Variants in LRGUK observed in about 807,000 individuals in gnomAD.
The protein encoded by LRGUK is leucine rich repeats and guanylate kinase domain containing.
A neutral mutation model predicts 76.0 loss-of-function variants in LRGUK; 65 were observed. That is an observed-to-expected ratio of 0.85 (90% confidence interval 0.70 to 1.05). LRGUK has a LOEUF of 1.05. LRGUK is among the 50% of genes least tolerant of loss of function. LRGUK has a pLI of 0.00. For synonymous variants in LRGUK, 268 were observed against 265.6 expected, an observed-to-expected ratio of 1.01 and a Z score of -0.09; for missense variants, 758 against 732.8, an observed-to-expected ratio of 1.03 and a Z score of -0.40.
At chr7:134,182,246 C>T (rs1338660491) in intron 10 of LRGUK, among the ~76,000 whole-genome samples, 3 of 152,212 alleles carry the variant, frequency 2.0e-5, no homozygotes, top group Non-Finnish European at 4.4e-5. Context: ...ACTTGAACTG[C>T]TTACCTGTTG....
At chr7:134,258,591 C>T (rs972238455) in intron 19 of LRGUK, among the ~76,000 whole-genome samples, 186 bp downstream of exon 19, 15 of 151,056 alleles carry the variant, frequency 9.9e-5, no homozygotes, top group Non-Finnish European at 1.5e-4. Context: ...CCCAGCTACT[C>T]GGGAGGCTGA....
intron 10 of LRGUK, among the ~76,000 whole-genome samples, chr7:134,178,934 A>AAAAAAAAAAAAAAAAACC (rs376955591): frequency 0.085 from 6,591 of 77,972 alleles, 511 homozygotes; most frequent in East Asian, 0.29. Context: ...CTCAAAAAAA[A>AAAAAAAAAAAAAAAAACC]AAAAAAAAAA....
intron 7 of LRGUK, 51 bp from the exon 8 acceptor site, chr7:134,174,505 A>G (rs377565289): frequency 1.2e-5 from 14 of 1,130,240 alleles, no homozygotes; most frequent in Admixed American, 5.5e-5. Flanking sequence ...TATGTTTTCT[A>G]TTGTCTTTGT....
chr7:134,217,508 T>A (rs990568178), intron 15 of LRGUK, among the ~76,000 whole-genome samples: 1 of 152,198 alleles, frequency 6.6e-6, no homozygotes. Context: ...CTTGGACTTA[T>A]GTGATAACTT....
At chr7:134,162,058 G>A (rs78371532) in intron 6 of LRGUK, among the ~76,000 whole-genome samples, 23 of 152,236 alleles carry the variant, frequency 1.5e-4, no homozygotes, top group African/African-American at 4.6e-4. Flanking sequence ...TTAAATCTTC[G>A]TTTTATTCTG....
intron 1 of LRGUK, among the ~76,000 whole-genome samples, chr7:134,135,677 G>A (rs1213324258): frequency 6.6e-6 from 1 of 152,150 alleles, no homozygotes; most frequent in Admixed American, 6.5e-5. Flanking sequence ...CTCCATGCAG[G>A]TGGTATTTAC....
At chr7:134,255,736 C>G (rs1042188170) in intron 18 of LRGUK, among the ~76,000 whole-genome samples, 6 of 151,818 alleles carry the variant, frequency 4.0e-5, no homozygotes, top group Admixed American at 6.6e-5. Context: ...AACTCTATGT[C>G]TGAGGGGTTC....
intron 11 of LRGUK, among the ~76,000 whole-genome samples, chr7:134,186,137 T>C (rs1429915283): frequency 6.6e-6 from 1 of 152,206 alleles, no homozygotes; most frequent in Admixed American, 6.5e-5. Context: ...TGATACCAGT[T>C]ATGTTGCAAA....
intron 5 of LRGUK, 115 bp from the exon 6 acceptor site, chr7:134,157,920 A>G (rs1798554458): frequency 6.6e-6 from 5 of 760,074 alleles, no homozygotes; most frequent in East Asian, 5.2e-5. Context: ...TGGGCATATA[A>G]TCGTTCTTTA....
intron 11 of LRGUK, among the ~76,000 whole-genome samples, chr7:134,190,724 T>C (rs569318323): frequency 6.6e-6 from 1 of 152,236 alleles, no homozygotes; most frequent in Non-Finnish European, 1.5e-5. Context: ...CCACTTCTCC[T>C]GTTTCATTTT....
chr7:134,219,481 G>T (rs1040017204), intron 15 of LRGUK, among the ~76,000 whole-genome samples: 4 of 152,098 alleles, frequency 2.6e-5, no homozygotes, highest in Non-Finnish European at 5.9e-5. Context: ...ACTATATTTT[G>T]AATAAAGTTT....
At chr7:134,220,588 T>C (rs536264336) in intron 15 of LRGUK, among the ~76,000 whole-genome samples, 126 of 152,050 alleles carry the variant, frequency 8.3e-4, no homozygotes, top group African/African-American at 2.8e-3. Context: ...TCTTTTTTTT[T>C]TTTTCTTTTG....
downstream of LRGUK, among the ~76,000 whole-genome samples, chr7:134,267,276 A>C (rs566618915): frequency 2.6e-5 from 4 of 152,230 alleles, no homozygotes; most frequent in Non-Finnish European, 5.9e-5. Flanking sequence ...AACTACATGG[A>C]TGTAGCTGGA....
At chr7:134,215,530 T>A (rs1361887433) in intron 15 of LRGUK, among the ~76,000 whole-genome samples, 1 of 152,170 alleles carries the variant, frequency 6.6e-6, no homozygotes, top group Non-Finnish European at 1.5e-5. Flanking sequence ...TTGGCAGTTA[T>A]GTTCTTTGTC....
chr7:134,268,990 C>T (rs67831202), downstream of LRGUK, among the ~76,000 whole-genome samples: 51,993 of 151,684 alleles, frequency 0.34, 10,995 homozygotes, highest in South Asian at 0.49. Context: ...CTCAGCCTCC[C>T]AAAGTACTGG....
chr7:134,163,512 T>C (rs1798842886), exon 7 of LRGUK: 3 of 1,613,466 alleles, frequency 1.9e-6, no homozygotes, highest in South Asian at 1.1e-5. Context: ...CATGACCTCC[T>C]GGAAGTGATC....
chr7:134,199,985 TATA>T (rs1800687983), intron 14 of LRGUK, among the ~76,000 whole-genome samples: 1 of 14,204 alleles, frequency 7.0e-5, no homozygotes, highest in East Asian at 2.7e-3. Flanking sequence ...GAAACTTTTA[TATA>T]TATATATATA....
chr7:134,127,442 T>C (rs762344177), exon 1 of LRGUK: 12 of 1,613,534 alleles, frequency 7.4e-6, no homozygotes. Context: ...GATCCCGAAC[T>C]GGAGCCCGAT....
chr7:134,215,604 T>TA lies in LRGUK; in HGVS notation c.1844-6165dup, dbSNP rs538467509. The stretch of plus-strand genomic sequence containing the variant: ...ATGTATACGTTTTATATAAAGCTTT[T>TA]AAAAAAAAAAGGCACTTGAGAACAA... On this transcript the variant is annotated intron_variant, in intron 15 of 19. Coordinates refer to the LRGUK transcript ENST00000285928. 1.3e-3 allele frequency among the ~76,000 whole-genome samples: 196 copies of TA among 149,396 alleles called. 1 individual carries two copies. Among genetic ancestry groups the TA allele is most frequent in the African/African-American group, 4.0e-3 (164 of 40,778 alleles).
Sources: gnomAD v4.1 joint callset for allele counts (sites outside exome capture counted in the v4.1 genomes callset) on GRCh38, gnomAD v4.1.1 for gene constraint, MANE v1.5 for transcripts, NCBI Gene and HGNC (gene_info 2026-07-23, HGNC 2026-07-21) for gene names.